The following KDM6A variants were observed in gnomAD, a reference collection of about 807,000 sequenced individuals.
The protein encoded by KDM6A is lysine demethylase 6A, also known as lysine-specific demethylase 6A.
Under a neutral mutation model 117.6 loss-of-function variants are expected in KDM6A, and 11 were observed. The ratio of observed to expected loss-of-function variants is 0.09; its 90% CI spans 0.06 to 0.15. The LOEUF is 0.15. Among genes scored for constraint, KDM6A ranks in the 10% least tolerant of loss-of-function variants. The probability of loss-of-function intolerance (pLI) is 1.00; values close to 1 mark genes in which losing one functional copy is unlikely to be tolerated. For synonymous variants in KDM6A, 384 were observed against 396.1 expected (o/e 0.97, Z 0.36); for missense variants, 799 against 1,077.3 (o/e 0.74, Z 3.62).
At chrX:45,040,422 A>T (rs2043045753) in intron 8 of KDM6A, among the ~76,000 whole-genome samples, 1 of 80,251 alleles carries the variant, frequency 1.2e-5, no homozygotes, top group Non-Finnish European at 2.4e-5. Context: ...TCCCTCCCAG[A>T]CGGGGCGGCT....
rs184513718 is a variant in KDM6A, at chrX:44,919,671, C to T, written c.226-41613C>T. ...TTTTTTTTTTTTTGAGATGGGGTCC[C>T]GCTCTGTTGCCCAGGCTGGAGTGCA... On this transcript the variant is annotated intron_variant, in intron 2 of 29. Coordinates refer to ENST00000611820, the MANE Select transcript of KDM6A (RefSeq NM_001291415.2). Among the ~76,000 whole-genome samples the T allele has an allele frequency of 2.3e-3, 235 of 103,945 alleles. 5 individuals carry two copies. The South Asian group carries it at 0.046, about 21-fold the overall frequency. The allele number at this position is 103,945 out of a possible 115,157, so 90.3% of individuals were successfully genotyped here. A position where few individuals can be genotyped will look rare whatever the true frequency, so the allele number is the denominator to read the frequency against.
rs985691322 is a variant in KDM6A at position 45,006,364 on chromosome X, G to A, written c.385-4597G>A. On this transcript the variant is annotated intron_variant, in intron 4 of 29. Coordinates refer to ENST00000611820, the MANE Select transcript of KDM6A (RefSeq NM_001291415.2). ...AAGTTTCAGTGCTGCAAAAGAAATA[G>A]CACTCGAATATAAAATTTTCTTTTT... Among the ~76,000 whole-genome samples, 3 of 109,633 alleles carry A rather than the reference G, an allele frequency of 2.7e-5. No homozygotes were observed. The Admixed American group carries it at 2.9e-4, about 11-fold the overall frequency.
intron 27 of KDM6A, among the ~76,000 whole-genome samples, chrX:45,100,437 C>G (rs2046295331): frequency 8.9e-6 from 1 of 111,926 alleles, no homozygotes; most frequent in South Asian, 3.7e-4. Context: ...GGTTTATTCA[C>G]CAGCAACTTT....
chrX:45,038,430 C>G (rs958564634), intron 8 of KDM6A, among the ~76,000 whole-genome samples: 2 of 110,958 alleles, frequency 1.8e-5, no homozygotes, highest in African/African-American at 6.6e-5. Flanking sequence ...GGAAAGGCAT[C>G]AAGAGTCACC....
intron 1 of KDM6A, 42 bp from the exon 2 acceptor site, chrX:44,873,882 G>C (rs1179455549): frequency 2.5e-6 from 3 of 1,190,866 alleles, no homozygotes; most frequent in Admixed American, 2.2e-5. Flanking sequence ...GGTCGGTGGC[G>C]TTCCCTGAGC....
At chrX:44,885,285 C>T (rs992216476) in intron 2 of KDM6A, among the ~76,000 whole-genome samples, 1 of 109,170 alleles carries the variant, frequency 9.2e-6, no homozygotes, top group Non-Finnish European at 1.9e-5. Flanking sequence ...CCTTGGCCTC[C>T]AAAGTGCTGG....
chrX:45,073,569 C>G (rs1306022920), intron 18 of KDM6A, among the ~76,000 whole-genome samples: 6 of 111,895 alleles, frequency 5.4e-5, no homozygotes. Context: ...GCCATTCTAA[C>G]TGGTGTGAGA....
chrX:45,080,514 C>T (rs1264872254), intron 21 of KDM6A, among the ~76,000 whole-genome samples: 1 of 111,744 alleles, frequency 8.9e-6, no homozygotes, highest in Non-Finnish European at 1.9e-5. Context: ...TTCAAATGTC[C>T]TACCACTGAC....
chrX:45,111,807 T>C lies in KDM6A; in HGVS notation c.*396T>C, dbSNP rs901612262. ...AATACTAGCCTAGCTGGTCATTTCT[T>C]TGTAAGGTAGTTAGCAATTTTAAGT... is the stretch of plus-strand genomic sequence containing the variant. On this transcript the variant is annotated 3_prime_UTR_variant, in exon 30 of 30. Coordinates refer to ENST00000611820, the MANE Select transcript of KDM6A (RefSeq NM_001291415.2). 5.4e-6 allele frequency: 1 copy of C among 185,954 alleles called. No individual in the cohort carries two copies. The highest frequency in any genetic ancestry group is 1.0e-5 in the Non-Finnish European group (1 of 98,756). 15.3% of individuals were successfully genotyped at this position (185,954 alleles called of 1,213,427 possible).
chrX:45,100,086 G>C (rs2046283254), intron 27 of KDM6A, among the ~76,000 whole-genome samples: 2 of 110,019 alleles, frequency 1.8e-5, no homozygotes, highest in African/African-American at 6.6e-5. Context: ...TAAGGTATTT[G>C]AGATACAGTA....
intron 2 of KDM6A, among the ~76,000 whole-genome samples, chrX:44,910,980 G>A (rs1473393920): frequency 8.9e-6 from 1 of 112,425 alleles, no homozygotes; most frequent in Non-Finnish European, 1.9e-5. Flanking sequence ...AACCGCCATC[G>A]TCATCATGGC....
intron 21 of KDM6A, among the ~76,000 whole-genome samples, chrX:45,081,998 C>T (rs1602944687): frequency 9.1e-6 from 1 of 109,846 alleles, no homozygotes; most frequent in Middle Eastern, 4.6e-3. Context: ...CCAGGATGGT[C>T]TTGATCTCCT....
At chrX:45,091,514 A>C (rs2045894691) in intron 27 of KDM6A, among the ~76,000 whole-genome samples, 2 of 111,701 alleles carry the variant, frequency 1.8e-5, no homozygotes, top group African/African-American at 6.5e-5. Context: ...CTGTCCCCAA[A>C]AGATGGGGAA....
At chrX:44,922,808 T>C (rs962496439) in intron 2 of KDM6A, among the ~76,000 whole-genome samples, 15 of 113,036 alleles carry the variant, frequency 1.3e-4, no homozygotes, top group Non-Finnish European at 2.6e-4. Flanking sequence ...TTGAATGTTT[T>C]AAAATGTATT....
chrX:44,920,217 T>C (rs2035824281), intron 2 of KDM6A, among the ~76,000 whole-genome samples: 1 of 111,478 alleles, frequency 9.0e-6, no homozygotes, highest in Non-Finnish European at 1.9e-5. Flanking sequence ...ACTTCTAGTC[T>C]TTCTGTGCTG....
intron 2 of KDM6A, among the ~76,000 whole-genome samples, chrX:44,944,541 T>A (rs2037520677): frequency 8.9e-6 from 1 of 111,755 alleles, no homozygotes; most frequent in African/African-American, 3.3e-5. Context: ...AGTCTCCCAA[T>A]TTCATGAACA....
chrX:45,028,743 AATTT>A (rs2042480305), intron 6 of KDM6A, among the ~76,000 whole-genome samples: 1 of 112,148 alleles, frequency 8.9e-6, no homozygotes, highest in South Asian at 3.7e-4. Flanking sequence ...CCTCCTAATT[AATTT>A]ATCTGGCCAC....
intron 2 of KDM6A, among the ~76,000 whole-genome samples, chrX:44,875,866 A>G (rs1424716158): frequency 8.9e-6 from 1 of 111,928 alleles, no homozygotes; most frequent in Non-Finnish European, 1.9e-5. Context: ...GAATGCTCAT[A>G]TTCATATAGA....
intron 2 of KDM6A, among the ~76,000 whole-genome samples, chrX:44,931,352 G>T (rs752027156): frequency 9.0e-6 from 1 of 111,466 alleles, no homozygotes; most frequent in African/African-American, 3.3e-5. Context: ...TGGGAATACC[G>T]GCGTGAACTA....
Sources: allele counts gnomAD v4.1 joint callset (sites outside exome capture counted in the v4.1 genomes callset), GRCh38; gene constraint gnomAD v4.1.1; transcripts MANE v1.5; gene names NCBI Gene and HGNC (gene_info 2026-07-23, HGNC 2026-07-21).